Variants in GATA4 observed in about 807,000 individuals in gnomAD.
The protein encoded by GATA4 is transcription factor GATA-4.
A neutral mutation model predicts 37.9 loss-of-function variants in GATA4; 7 were observed. That is an observed-to-expected ratio of 0.18 (90% CI 0.11 to 0.35). GATA4 has a LOEUF of 0.35. Ranked by LOEUF, GATA4 falls within the 10% of genes least tolerant of loss-of-function variation. The pLI is 1.00. For missense variants in GATA4, 647 were observed against 653.0 expected (o/e 0.99, Z 0.10); for synonymous variants, 372 against 292.6 (o/e 1.27, Z -2.77).
chr8:11,697,640 C>T, intron 1 of GATA4: 1 of 985,430 alleles, frequency 1.0e-6, no homozygotes, highest in Non-Finnish European at 1.2e-6. Context: ...CCCAGCACAG[C>T]CCCCCTTTCA....
intron 1 of GATA4, among the ~76,000 whole-genome samples, chr8:11,705,314 G>A (rs536174974): frequency 1.2e-4 from 19 of 152,256 alleles, no homozygotes; most frequent in African/African-American, 3.6e-4. Context: ...ACACGTCTGT[G>A]TCTCCTCCCC....
At position 11,708,948 on chromosome 8, in the gene GATA4, C is replaced by T. The variant is rs1471433879; in HGVS notation, c.616+20C>T. The T allele has an allele frequency of 6.6e-7, 1 of 1,519,224 alleles. No individual in the cohort carries two copies. The highest frequency in any genetic ancestry group is 8.8e-7 in the Non-Finnish European group (1 of 1,140,330). The allele number at this position is 1,519,224 out of a possible 1,614,324, so 94.1% of individuals were successfully genotyped here. ...ATCTCGGTGAGTAGGAGCGCGAGGG[C>T]TGGGGCGCGTGAGGGCCGGGGCAGG... On this transcript the variant is annotated intron_variant, in intron 2 of 6. Coordinates refer to ENST00000532059, the MANE Select transcript of GATA4 (RefSeq NM_001308093.3). The surrounding 1 kb of genome is among the most constrained non-coding windows in gnomAD (Gnocchi z 6.7).
At chr8:11,716,446 C>G (rs545077411) in intron 2 of GATA4, among the ~76,000 whole-genome samples, 102 of 152,200 alleles carry the variant, frequency 6.7e-4, no homozygotes, top group African/African-American at 2.4e-3. Context: ...CCTTTATGCT[C>G]AAGCTTCCTC....
At position 11,750,030 on chromosome 8, in the gene GATA4, C is replaced by T. The variant is rs1802221602; in HGVS notation, c.787-81C>T. The T allele has an allele frequency of 2.5e-6, 4 of 1,604,780 alleles. No individual in the cohort carries two copies. In the East Asian group the frequency reaches 6.7e-5, roughly 27 times the overall value. ...AGCCCTGCCTCCCGTTAGGGAGGCC[C>T]AGCTCCGCAGCCACACGCGAGGTGG... is the stretch of plus-strand genomic sequence containing the variant. On this transcript the variant is annotated intron_variant, in intron 3 of 6. Transcript: ENST00000532059.
chr8:11,692,664 CGTGCGGGGGTGCGGGGGTGAGGG>C, intron 1 of GATA4: 2 of 982,124 alleles, frequency 2.0e-6, no homozygotes, highest in Non-Finnish European at 2.4e-6. Flanking sequence ...ACCGCGGGTG[CGTGCGGGGGTGCGGGGGTGAGGG>C]GTGCGGGGCT....
chr8:11,688,094 A>C (rs959149093), upstream of GATA4, among the ~76,000 whole-genome samples: 30 of 152,236 alleles, frequency 2.0e-4, no homozygotes, highest in African/African-American at 7.0e-4. Context: ...ATAAGTAGCA[A>C]TAAGGAATTA....
chr8:11,702,374 G>A (rs545445617), upstream of GATA4, among the ~76,000 whole-genome samples: 16 of 152,004 alleles, frequency 1.1e-4, no homozygotes, highest in African/African-American at 2.7e-4. This position sits in a 1 kb window ranked among gnomAD's most constrained non-coding sequence, Gnocchi z 4.4. Flanking sequence ...AGAAAGGCCG[G>A]GATAGCTTCC....
At chr8:11,690,050 G>T (rs1373885386), upstream of GATA4, among the ~76,000 whole-genome samples, 1 of 152,226 alleles carries the variant, frequency 6.6e-6, no homozygotes, top group Non-Finnish European at 1.5e-5. Flanking sequence ...AATCCTTGAA[G>T]TCCCTTGCAA....
intron 2 of GATA4, among the ~76,000 whole-genome samples, chr8:11,731,777 C>A (rs760811917): frequency 3.9e-5 from 6 of 152,166 alleles, no homozygotes; most frequent in Non-Finnish European, 5.9e-5. Flanking sequence ...AATGGAGAGG[C>A]AGTGTACAAG....
At position 11,758,639 on chromosome 8, in the gene GATA4, G is replaced by A. The variant is rs879397137; in HGVS notation, c.*164G>A. ...TCGACAATCTGGTTAGGGGAAGCGG[G>A]TGTTGGATTTTCTCAGATGCCTTTA... is the stretch of plus-strand genomic sequence containing the variant. On this transcript the variant is annotated 3_prime_UTR_variant, in exon 7 of 7. Transcript: ENST00000532059. The A allele has an allele frequency of 5.5e-6, 4 of 727,016 alleles. No individual in the cohort carries two copies. Among genetic ancestry groups the A allele is most frequent in the Middle Eastern group, 3.6e-4 (1 of 2,780 alleles). 45.0% of individuals were successfully genotyped at this position (727,016 alleles called of 1,614,324 possible).
At chr8:11,693,731 C>T (rs1389593981) in intron 1 of GATA4, among the ~76,000 whole-genome samples, 3 of 152,116 alleles carry the variant, frequency 2.0e-5, no homozygotes, top group Non-Finnish European at 2.9e-5. Context: ...TCTTGCCCTA[C>T]CCCCACTCCC....
upstream of GATA4, among the ~76,000 whole-genome samples, chr8:11,699,641 T>C (rs1799608029): frequency 2.0e-5 from 3 of 152,344 alleles, no homozygotes; most frequent in South Asian, 6.2e-4. Context: ...CTGGCGCTCC[T>C]CAACCTGCTG....
At chr8:11,755,805 A>G (rs59648461) in intron 5 of GATA4, among the ~76,000 whole-genome samples, 8,057 of 151,994 alleles carry the variant, frequency 0.053, 344 homozygotes, top group East Asian at 0.16. Flanking sequence ...CTGCCTTCTT[A>G]ATTTCTAGAT....
At chr8:11,682,156 G>A (rs772947226) in intron 1 of GATA4, among the ~76,000 whole-genome samples, 1 of 152,140 alleles carries the variant, frequency 6.6e-6, no homozygotes, top group African/African-American at 2.4e-5. Flanking sequence ...CAAGCACTAG[G>A]TGGTGTCTGA....
intron 4 of GATA4, among the ~76,000 whole-genome samples, chr8:11,753,082 G>C (rs1006303988): frequency 1.3e-5 from 2 of 152,126 alleles, no homozygotes; most frequent in African/African-American, 4.8e-5. Flanking sequence ...TTAAAGGCAG[G>C]GCCTCAAAGA....
At chr8:11,729,842 C>G (rs1801117004) in intron 2 of GATA4, among the ~76,000 whole-genome samples, 1 of 152,188 alleles carries the variant, frequency 6.6e-6, no homozygotes, top group Admixed American at 6.5e-5. Flanking sequence ...TGAGGAGTTA[C>G]TTATTAGTTA....
chr8:11,715,463 C>T (rs577747192), intron 2 of GATA4, among the ~76,000 whole-genome samples: 1 of 152,268 alleles, frequency 6.6e-6, no homozygotes, highest in African/African-American at 2.4e-5. Context: ...AATTTCAAAT[C>T]ATCGGCTGGG....
chr8:11,741,915 C>T (rs1341401400), intron 2 of GATA4, among the ~76,000 whole-genome samples: 2 of 152,182 alleles, frequency 1.3e-5, no homozygotes, highest in Non-Finnish European at 1.5e-5. Flanking sequence ...TCAGGGATGG[C>T]CAAGGCATCT....
Position 11,759,729 on chromosome 8 carries a change from CAAGGAG to C in GATA4, c.*1256_*1261del, listed in dbSNP as rs1802799499. The C allele has an allele frequency of 6.6e-6, 1 of 152,322 alleles. No individual in the cohort carries two copies. The highest frequency in any genetic ancestry group is 2.1e-4 in the South Asian group (1 of 4,834). The allele number at this position is 152,322 out of a possible 1,614,324, so 9.4% of individuals were successfully genotyped here. ...TGTTTCTGCCCCTGATGCTGGAGCTCAAGGAGACTCCTTCCTCTTTCTCAGCAGAGC... is the reference window on the plus strand; with the variant it reads ...TGTTTCTGCCCCTGATGCTGGAGCTCACTCCTTCCTCTTTCTCAGCAGAGC... On this transcript the variant is annotated 3_prime_UTR_variant, in exon 7 of 7. Coordinates refer to ENST00000532059, the MANE Select transcript of GATA4 (RefSeq NM_001308093.3).
Sources: gnomAD v4.1 joint callset for allele counts (sites outside exome capture counted in the v4.1 genomes callset) on GRCh38, gnomAD v4.1.1 for gene constraint, Gnocchi (gnomAD v3.1) non-coding constraint, MANE v1.5 for transcripts, NCBI Gene and HGNC (gene_info 2026-07-23, HGNC 2026-07-21) for gene names.